XPNPEP3: variants seen among roughly 807,000 people sequenced by gnomAD.
The protein encoded by XPNPEP3 is X-prolyl aminopeptidase 3.
XPNPEP3 carries 41 observed loss-of-function variants against 60.0 expected under a neutral mutation model. The observed-to-expected ratio is 0.68, with a 90% CI of 0.53 to 0.89. The LOEUF (loss-of-function observed/expected upper bound fraction) is 0.89, where lower values mean the gene tolerates loss of function less well. Among genes scored for constraint, XPNPEP3 ranks in the 40% least tolerant of loss-of-function variants. The pLI, the probability that XPNPEP3 is intolerant of heterozygous loss-of-function variation, is 0.00. For synonymous variants in XPNPEP3, 212 were observed against 223.2 expected (o/e 0.95, Z 0.45); for missense variants, 598 against 638.9 (o/e 0.94, Z 0.69).
rs548708662 is a variant in XPNPEP3 at position 40,929,916 on chromosome 22, C to G, written c.*3481C>G. 6.6e-6 allele frequency: 1 copy of G among 152,114 alleles called. No individual in the cohort carries two copies. The highest frequency in any genetic ancestry group is 1.5e-5 in the Non-Finnish European group (1 of 68,010). The allele number at this position is 152,114 out of a possible 1,614,324, so 9.4% of individuals were successfully genotyped here. Reference sequence around the variant, plus strand: ...AATTTTATTTTTCTAATAGTATTTTCCAAATATTTCTTAAAATTCTTAAAA... The same window carrying G: ...AATTTTATTTTTCTAATAGTATTTTGCAAATATTTCTTAAAATTCTTAAAA... On this transcript the variant is annotated 3_prime_UTR_variant, in exon 10 of 10. Coordinates refer to ENST00000357137, the MANE Select transcript of XPNPEP3 (RefSeq NM_022098.4).
intron 3 of XPNPEP3, among the ~76,000 whole-genome samples, chr22:40,884,478 C>T (rs562669673): frequency 6.6e-6 from 1 of 151,380 alleles, no homozygotes; most frequent in Admixed American, 6.6e-5. Context: ...TACAGGCACG[C>T]GCCACCATGC....
intron 4 of XPNPEP3, among the ~76,000 whole-genome samples, chr22:40,891,916 G>A (rs1569023411): frequency 6.6e-6 from 1 of 152,154 alleles, no homozygotes; most frequent in Admixed American, 6.5e-5. Context: ...TGCACAACGT[G>A]GGTTTCTGCT....
At chr22:40,858,848 AAG>A (rs920850348) in intron 1 of XPNPEP3, among the ~76,000 whole-genome samples, 3 of 152,168 alleles carry the variant, frequency 2.0e-5, no homozygotes, top group African/African-American at 7.2e-5. Flanking sequence ...GATTTTTTGA[AAG>A]ATGTTCTCAA....
At chr22:40,916,182 C>T (rs1036775119) in intron 7 of XPNPEP3, among the ~76,000 whole-genome samples, 4 of 151,868 alleles carry the variant, frequency 2.6e-5, no homozygotes, top group African/African-American at 7.3e-5. Flanking sequence ...ATCCCAGCTA[C>T]TCGGGAGGCT....
At chr22:40,895,363 T>C (rs2058103859) in intron 4 of XPNPEP3, among the ~76,000 whole-genome samples, 1 of 151,646 alleles carries the variant, frequency 6.6e-6, no homozygotes, top group Non-Finnish European at 1.5e-5. Flanking sequence ...TGAGGCAGAG[T>C]TTTGATCTGT....
rs902471362 is a variant in XPNPEP3 at position 40,927,020 on chromosome 22, A to G, written c.*585A>G. On this transcript the variant is annotated 3_prime_UTR_variant, in exon 10 of 10. Transcript: ENST00000357137. The stretch of plus-strand genomic sequence containing the variant: ...GGCACTGGTGTCCTGCAGTCTTACT[A>G]GTCAGCCACAGTCCAGGTTCCAGCA... The G allele has an allele frequency of 2.5e-5, 4 of 158,112 alleles. No individual in the cohort carries two copies. The highest frequency in any genetic ancestry group is 7.2e-5 in the African/African-American group (3 of 41,480). The allele number at this position is 158,112 out of a possible 1,614,324, so 9.8% of individuals were successfully genotyped here.
At chr22:40,924,229 C>A in intron 8 of XPNPEP3, 133 bp from the exon 9 acceptor site, 1 of 1,292,508 alleles carries the variant, frequency 7.7e-7, no homozygotes, top group Non-Finnish European at 1.1e-6. Context: ...AAGTATTAGC[C>A]CAAGGAGGGA....
At chr22:40,924,882 A>G (rs1333322515) in intron 9 of XPNPEP3, among the ~76,000 whole-genome samples, 2 of 152,202 alleles carry the variant, frequency 1.3e-5, no homozygotes, top group Admixed American at 6.5e-5. Flanking sequence ...AAAAAAGTCC[A>G]GTGTGGAAGG....
intron 2 of XPNPEP3, among the ~76,000 whole-genome samples, chr22:40,874,908 A>G (rs1242543342): frequency 3.3e-5 from 5 of 152,186 alleles, no homozygotes; most frequent in Non-Finnish European, 7.3e-5. Flanking sequence ...TCTCATCCCC[A>G]GTCACTCAGT....
chr22:40,861,380 A>G (rs1321593041), intron 1 of XPNPEP3: 1 of 1,613,780 alleles, frequency 6.2e-7, no homozygotes, highest in African/African-American at 1.3e-5. Flanking sequence ...GATCACTTTC[A>G]ATAATTTTCT....
intron 4 of XPNPEP3, among the ~76,000 whole-genome samples, chr22:40,906,913 CAT>C (rs2058157662): frequency 6.6e-6 from 1 of 152,166 alleles, no homozygotes; most frequent in Admixed American, 6.5e-5. Context: ...TAGGTATCCT[CAT>C]ATGGCAGAAG....
intron 9 of XPNPEP3, among the ~76,000 whole-genome samples, chr22:40,925,175 C>T (rs1166137285): frequency 6.6e-6 from 1 of 152,130 alleles, no homozygotes; most frequent in Non-Finnish European, 1.5e-5. Flanking sequence ...CATTGAGCTA[C>T]CCAGCACCAT....
intron 3 of XPNPEP3, among the ~76,000 whole-genome samples, chr22:40,885,708 G>C (rs2058065903): frequency 6.6e-6 from 1 of 152,156 alleles, no homozygotes; most frequent in African/African-American, 2.4e-5. Context: ...ATGAAGGCCG[G>C]GCATGGTGAT....
intron 4 of XPNPEP3, among the ~76,000 whole-genome samples, chr22:40,906,894 G>T (rs2058157544): frequency 6.6e-6 from 1 of 152,166 alleles, no homozygotes; most frequent in African/African-American, 2.4e-5. Context: ...CCTGATAGGG[G>T]GCACCCTCTA....
chr22:40,915,207 C>T (rs1435346279), intron 7 of XPNPEP3, among the ~76,000 whole-genome samples: 4 of 151,996 alleles, frequency 2.6e-5, no homozygotes, highest in Admixed American at 6.6e-5. Flanking sequence ...CCCACCACCA[C>T]GCCTGGCTAA....
At chr22:40,907,339 T>C (rs1279583965) in intron 4 of XPNPEP3, 1 of 443,054 alleles carries the variant, frequency 2.3e-6, no homozygotes, top group African/African-American at 2.0e-5. Context: ...GAGAATGGCG[T>C]GAACCCAGGA....
chr22:40,862,349 C>A, intron 1 of XPNPEP3: 1 of 1,016,974 alleles, frequency 9.8e-7, no homozygotes, highest in Non-Finnish European at 1.2e-6. Context: ...CCAATGGAAT[C>A]TGTTGCTAAT....
intron 2 of XPNPEP3, among the ~76,000 whole-genome samples, chr22:40,869,481 G>T (rs1282012264): frequency 6.6e-6 from 1 of 152,088 alleles, no homozygotes; most frequent in Non-Finnish European, 1.5e-5. Flanking sequence ...TTTTAGAATT[G>T]TATACTATTG....
At position 40,932,411 on chromosome 22, in the gene XPNPEP3, T is replaced by C. The variant is rs1421684607; in HGVS notation, c.*5976T>C. The C allele has an allele frequency of 6.6e-6, 1 of 151,842 alleles. No individual in the cohort carries two copies. The highest frequency in any genetic ancestry group is 2.4e-5 in the African/African-American group (1 of 41,320). The allele number at this position is 151,842 out of a possible 1,614,324, so 9.4% of individuals were successfully genotyped here. ...AACAAGTTTTAAGCCTGAGAAAATA[T>C]AATTTGAGGTGTTTTTTATGCTCCT... On this transcript the variant is annotated 3_prime_UTR_variant, in exon 10 of 10. Transcript: ENST00000357137.
Sources: allele counts gnomAD v4.1 joint callset (sites outside exome capture counted in the v4.1 genomes callset), GRCh38; gene constraint gnomAD v4.1.1; transcripts MANE v1.5; gene names NCBI Gene and HGNC (gene_info 2026-07-23, HGNC 2026-07-21).